Variants in PRR16 observed in about 807,000 individuals in gnomAD.
The protein encoded by PRR16 is proline rich 16.
A neutral mutation model predicts 18.2 loss-of-function variants in PRR16; 6 were observed. The ratio of observed to expected loss-of-function variants is 0.33; its 90% confidence interval spans 0.18 to 0.65. The LOEUF is 0.65. Ranked by LOEUF, PRR16 falls within the 30% of genes least tolerant of loss-of-function variation. The pLI is 0.74. For synonymous variants in PRR16, 151 were observed against 147.8 expected (o/e 1.02, Z -0.16); for missense variants, 412 against 376.6 (o/e 1.09, Z -0.78).
the PRR16 span, among the ~76,000 whole-genome samples, chr5:120,787,965 T>A: frequency 6.6e-6 from 1 of 150,660 alleles, no homozygotes; most frequent in Non-Finnish European, 1.5e-5. Context: ...AAGGTCTTAC[T>A]CTCTCTCTTG....
At chr5:120,512,056 C>A (rs543189055) in intron 1 of PRR16, among the ~76,000 whole-genome samples, 1 of 130,368 alleles carries the variant, frequency 7.7e-6, no homozygotes, top group East Asian at 2.0e-4. Flanking sequence ...AGTCAAGGAA[C>A]CCTGAGAGGA....
At chr5:120,674,984 A>G (rs1207057984) in intron 1 of PRR16, among the ~76,000 whole-genome samples, 1 of 151,978 alleles carries the variant, frequency 6.6e-6, no homozygotes, top group Non-Finnish European at 1.5e-5. Context: ...TACATTTTCA[A>G]GCATCTCTAA....
At chr5:120,786,884 C>T in the PRR16 span, among the ~76,000 whole-genome samples, 1 of 152,062 alleles carries the variant, frequency 6.6e-6, no homozygotes, top group South Asian at 2.1e-4. Flanking sequence ...TCACATTTTG[C>T]ATATTGCATT....
At chr5:120,490,263 A>C (rs1483230818) in intron 1 of PRR16, among the ~76,000 whole-genome samples, 1 of 152,010 alleles carries the variant, frequency 6.6e-6, no homozygotes, top group East Asian at 1.9e-4. Flanking sequence ...TCTTGGTTCC[A>C]TTCTCCCCGT....
At chr5:120,624,930 G>A (rs1580801095) in intron 1 of PRR16, among the ~76,000 whole-genome samples, 1 of 152,090 alleles carries the variant, frequency 6.6e-6, no homozygotes, top group Non-Finnish European at 1.5e-5. Flanking sequence ...GAGGTTCCCT[G>A]CGCAAGCTCT....
intron 1 of PRR16, among the ~76,000 whole-genome samples, chr5:120,673,086 G>T (rs1204438037): frequency 6.6e-6 from 1 of 152,288 alleles, no homozygotes; most frequent in East Asian, 1.9e-4. Context: ...ATAATCTGTG[G>T]ATAATGTTTG....
At chr5:120,703,125 T>A in the PRR16 span, among the ~76,000 whole-genome samples, 1 of 151,816 alleles carries the variant, frequency 6.6e-6, no homozygotes, top group Non-Finnish European at 1.5e-5. Context: ...AAAATTACAG[T>A]CAAAGGGGGT....
intron 1 of PRR16, among the ~76,000 whole-genome samples, chr5:120,540,417 T>G (rs1751873240): frequency 6.6e-6 from 1 of 152,210 alleles, no homozygotes; most frequent in Non-Finnish European, 1.5e-5. Context: ...CAGATTTCTT[T>G]CTCAAGTCCT....
intron 1 of PRR16, among the ~76,000 whole-genome samples, chr5:120,676,536 G>GTGTGTGTT (rs1756805108): frequency 1.3e-5 from 2 of 151,588 alleles, no homozygotes; most frequent in African/African-American, 4.9e-5. Flanking sequence ...GTGTGTGTGT[G>GTGTGTGTT]TGTGTGTGTG....
intron 1 of PRR16, among the ~76,000 whole-genome samples, chr5:120,483,374 G>T (rs1340950820): frequency 6.6e-6 from 1 of 152,074 alleles, no homozygotes; most frequent in Non-Finnish European, 1.5e-5. Flanking sequence ...GTCTTGGCCA[G>T]AACTTTACTA....
the PRR16 span, among the ~76,000 whole-genome samples, chr5:120,751,795 G>T: frequency 6.6e-6 from 1 of 152,036 alleles, no homozygotes; most frequent in Non-Finnish European, 1.5e-5. Context: ...ATCTTTGTAG[G>T]GGGTGGGTGG....
intron 1 of PRR16, among the ~76,000 whole-genome samples, chr5:120,527,949 G>C (rs1014748863): frequency 6.6e-6 from 1 of 152,114 alleles, no homozygotes; most frequent in Non-Finnish European, 1.5e-5. Flanking sequence ...AAGAGGTGAA[G>C]GGAAATCCAC....
intron 1 of PRR16, among the ~76,000 whole-genome samples, chr5:120,627,919 A>C (rs1334748173): frequency 6.6e-6 from 1 of 152,128 alleles, no homozygotes; most frequent in African/African-American, 2.4e-5. Context: ...TAAAGAAATA[A>C]GTTTGTGGTT....
intron 1 of PRR16, among the ~76,000 whole-genome samples, chr5:120,533,283 C>T (rs1269796127): frequency 4.6e-5 from 7 of 152,124 alleles, no homozygotes; most frequent in Non-Finnish European, 1.0e-4. Context: ...CTATTATGTG[C>T]TAGGCATTGT....
chr5:120,544,142 G>C (rs370129790), intron 1 of PRR16, among the ~76,000 whole-genome samples: 1 of 152,108 alleles, frequency 6.6e-6, no homozygotes, highest in East Asian at 1.9e-4. Context: ...ACAGAACTGA[G>C]TGAAAAAGGA....
chr5:120,752,791 T>A, the PRR16 span, among the ~76,000 whole-genome samples: 1 of 151,852 alleles, frequency 6.6e-6, no homozygotes, highest in Non-Finnish European at 1.5e-5. Context: ...TACGAGATAG[T>A]TATTTAGCTT....
At chr5:120,669,375 C>G (rs1205376958) in intron 1 of PRR16, among the ~76,000 whole-genome samples, 1 of 151,844 alleles carries the variant, frequency 6.6e-6, no homozygotes, top group African/African-American at 2.4e-5. Context: ...TTTAGTTTGC[C>G]AACTCTACTT....
chr5:120,543,231 G>A (rs300969), intron 1 of PRR16, among the ~76,000 whole-genome samples: 99,539 of 151,934 alleles, frequency 0.66, 32,934 homozygotes, highest in Admixed American at 0.76. Flanking sequence ...TGTAAAATAC[G>A]TCAAAAACGG....
chr5:120,503,884 G>A (rs573794433), intron 1 of PRR16, among the ~76,000 whole-genome samples: 1 of 151,186 alleles, frequency 6.6e-6, no homozygotes, highest in African/African-American at 2.4e-5. Context: ...GTGAGAACAT[G>A]CAGTGTTTGG....
Sources: gnomAD v4.1 joint callset for allele counts (sites outside exome capture counted in the v4.1 genomes callset) on GRCh38, gnomAD v4.1.1 for gene constraint, MANE v1.5 for transcripts, NCBI Gene and HGNC (gene_info 2026-07-23, HGNC 2026-07-21) for gene names.